Variants in SLC9A2 observed in about 807,000 individuals in gnomAD.
SLC9A2 encodes the protein solute carrier family 9 member A2, also known as sodium/hydrogen exchanger 2.
SLC9A2 carries 42 observed loss-of-function variants against 71.7 expected under a neutral mutation model. That is an observed-to-expected ratio of 0.59 (90% CI 0.46 to 0.76). The LOEUF is 0.76. SLC9A2 is among the 30% of genes least tolerant of loss of function. SLC9A2 has a pLI of 0.00. For synonymous variants in SLC9A2, 396 were observed against 392.5 expected (o/e 1.01, Z -0.10); for missense variants, 829 against 1,017.4 (o/e 0.81, Z 2.52).
rs527584878 is a variant in SLC9A2, at chr2:102,642,683, T to A, written c.290-14881T>A. On this transcript the variant is annotated intron_variant, in intron 1 of 11. Transcript: ENST00000233969. ...TCAGGGCAATATTAGCTTCATAAAATGAATTGAGAAGTGTTCCCTCCTCTT... is the reference window on the plus strand; with the variant it reads ...TCAGGGCAATATTAGCTTCATAAAAAGAATTGAGAAGTGTTCCCTCCTCTT... 1.3e-4 allele frequency among the ~76,000 whole-genome samples: 20 copies of A among 152,340 alleles called. No homozygotes were observed. In the East Asian group the frequency reaches 3.3e-3, roughly 25 times the overall value.
At chr2:102,633,816 C>T (rs1287752218) in intron 1 of SLC9A2, among the ~76,000 whole-genome samples, 3 of 152,138 alleles carry the variant, frequency 2.0e-5, no homozygotes, top group Non-Finnish European at 4.4e-5. Flanking sequence ...GAAGGTTCAA[C>T]CCATATAACT....
intron 3 of SLC9A2, among the ~76,000 whole-genome samples, chr2:102,674,469 C>A (rs1677313788): frequency 6.6e-6 from 1 of 152,184 alleles, no homozygotes; most frequent in Non-Finnish European, 1.5e-5. Context: ...TATGTACTCA[C>A]TCCTGCTGCT....
chr2:102,629,761 G>C (rs939153802), intron 1 of SLC9A2, among the ~76,000 whole-genome samples: 2 of 151,924 alleles, frequency 1.3e-5, no homozygotes, highest in Non-Finnish European at 2.9e-5. Flanking sequence ...GATTTAACAG[G>C]AGTCAACCAG....
chr2:102,645,296 G>T (rs1676699161), intron 1 of SLC9A2, among the ~76,000 whole-genome samples: 1 of 151,974 alleles, frequency 6.6e-6, no homozygotes, highest in South Asian at 2.1e-4. Context: ...CCATCCAAAG[G>T]CTATCAGCAT....
chr2:102,692,723 C>T (rs1677687931), intron 5 of SLC9A2, among the ~76,000 whole-genome samples: 1 of 152,166 alleles, frequency 6.6e-6, no homozygotes, highest in African/African-American at 2.4e-5. Context: ...AAATCAGCCT[C>T]TCAAGTTATG....
chr2:102,649,814 A>G (rs1676797285), intron 1 of SLC9A2, among the ~76,000 whole-genome samples: 1 of 152,210 alleles, frequency 6.6e-6, no homozygotes, highest in Non-Finnish European at 1.5e-5. Context: ...AAGTTAGGAA[A>G]CAATAGATGC....
chr2:102,644,654 G>A (rs928351706), intron 1 of SLC9A2, among the ~76,000 whole-genome samples: 1 of 152,184 alleles, frequency 6.6e-6, no homozygotes, highest in African/African-American at 2.4e-5. Context: ...ATTACTGAGG[G>A]TTGAGCAGGT....
chr2:102,649,592 C>G (rs1008146678), intron 1 of SLC9A2, among the ~76,000 whole-genome samples: 2 of 152,014 alleles, frequency 1.3e-5, no homozygotes, highest in Non-Finnish European at 2.9e-5. Flanking sequence ...GTCTATTATC[C>G]AGAATCTATA....
chr2:102,678,985 A>G (rs1348252320), intron 3 of SLC9A2, among the ~76,000 whole-genome samples: 1 of 152,202 alleles, frequency 6.6e-6, no homozygotes, highest in Non-Finnish European at 1.5e-5. Flanking sequence ...GTCAGAGTAC[A>G]CTGCAACAAA....
chr2:102,699,559 C>T (rs1170704172), intron 7 of SLC9A2, among the ~76,000 whole-genome samples: 3 of 152,142 alleles, frequency 2.0e-5, no homozygotes, highest in Admixed American at 1.3e-4. Context: ...TGTCTTGGAC[C>T]TGGGTGATAG....
intron 1 of SLC9A2, among the ~76,000 whole-genome samples, chr2:102,656,427 C>T (rs1342448575): frequency 1.3e-5 from 2 of 152,236 alleles, no homozygotes; most frequent in Non-Finnish European, 2.9e-5. Flanking sequence ...CCTAAGCAGA[C>T]TTCCTCTTCC....
intron 2 of SLC9A2, among the ~76,000 whole-genome samples, chr2:102,663,652 A>G (rs752325990): frequency 1.3e-5 from 2 of 152,150 alleles, no homozygotes; most frequent in Admixed American, 6.5e-5. Flanking sequence ...GTGTCATTTG[A>G]CCTTGAACAA....
At position 102,694,480 on chromosome 2, in the gene SLC9A2, G is replaced by A; in HGVS notation, c.1492G>A (p.Val498Ile). ...VKRSNKKQQA[V>I]SEEIYCRLFD... ...GAGGTCCAATAAGAAACAACAAGCT[G>A]TCAGTGAAGAAATCTATTGTCGGGT... Residue 498 changes from valine to isoleucine, a missense_variant, in exon 6 of 12, where the codon GTC becomes ATC. Transcript: ENST00000233969. 6.5e-7 allele frequency: 1 copy of A among 1,540,116 alleles called. No individual in the cohort carries two copies. The highest frequency in any genetic ancestry group is 8.8e-7 in the Non-Finnish European group (1 of 1,131,324).
At chr2:102,697,512 A>C (rs527800322) in intron 7 of SLC9A2, 12 of 151,658 alleles carry the variant, frequency 7.9e-5, no homozygotes, top group African/African-American at 2.7e-4. Context: ...GGATACACTT[A>C]TTTTAATAAT....
At chr2:102,676,807 A>G (rs937893150) in intron 3 of SLC9A2, among the ~76,000 whole-genome samples, 5 of 152,244 alleles carry the variant, frequency 3.3e-5, no homozygotes, top group Admixed American at 3.3e-4. Flanking sequence ...AATACAGAAA[A>G]AGCTTTTTAA....
intron 1 of SLC9A2, among the ~76,000 whole-genome samples, chr2:102,627,130 TAACAAC>T (rs112963978): frequency 8.1e-6 from 1 of 124,054 alleles, no homozygotes; most frequent in Non-Finnish European, 1.8e-5. Context: ...TTCAAAATGT[TAACAAC>T]AACAACAACA....
At chr2:102,638,093 A>G (rs906982167) in intron 1 of SLC9A2, among the ~76,000 whole-genome samples, 23 of 152,220 alleles carry the variant, frequency 1.5e-4, no homozygotes, top group Non-Finnish European at 4.4e-5. Flanking sequence ...CAGTTTCTCA[A>G]TATGAGCTCA....
intron 1 of SLC9A2, among the ~76,000 whole-genome samples, chr2:102,650,132 T>C (rs1573407664): frequency 6.6e-6 from 1 of 152,292 alleles, no homozygotes; most frequent in South Asian, 2.1e-4. Context: ...TGGAATACTA[T>C]GCAGCCATAA....
At chr2:102,640,092 C>T (rs1488448972) in intron 1 of SLC9A2, among the ~76,000 whole-genome samples, 2 of 152,238 alleles carry the variant, frequency 1.3e-5, no homozygotes, top group African/African-American at 2.4e-5. Flanking sequence ...AAAACATGCA[C>T]ATCTGCTGCA....
Sources: gnomAD v4.1 joint callset for allele counts (sites outside exome capture counted in the v4.1 genomes callset) on GRCh38, gnomAD v4.1.1 for gene constraint, MANE v1.5 for transcripts, NCBI Gene and HGNC (gene_info 2026-07-23, HGNC 2026-07-21) for gene names.